The following CNTNAP2 variants were observed in gnomAD, a reference collection of about 807,000 sequenced individuals.
The protein encoded by CNTNAP2 is contactin associated protein 2.
In CNTNAP2, 98 loss-of-function variants were observed where a neutral mutation model predicts 155.2. That is an observed-to-expected ratio of 0.63 (90% CI 0.54 to 0.75). The LOEUF (loss-of-function observed/expected upper bound fraction) is 0.75. CNTNAP2 is among the 30% of genes least tolerant of loss of function. The pLI is 0.00. For missense variants in CNTNAP2, 1,727 were observed against 1,688.1 expected, an observed-to-expected ratio of 1.02 and a Z score of -0.40; for synonymous variants, 651 against 631.2, an observed-to-expected ratio of 1.03 and a Z score of -0.47.
intron 3 of CNTNAP2, among the ~76,000 whole-genome samples, chr7:146,873,165 T>A (rs751384806): frequency 6.6e-6 from 1 of 152,228 alleles, no homozygotes; most frequent in African/African-American, 2.4e-5. Flanking sequence ...TATATGCCTG[T>A]CTATTAATGC....
rs140313040 is a variant in CNTNAP2 at position 146,966,147 on chromosome 7, G to A, written c.403-77760G>A. 3.2e-4 allele frequency among the ~76,000 whole-genome samples: 48 copies of A among 152,270 alleles called. 1 individual carries two copies. The highest frequency in any genetic ancestry group is 2.1e-3 in the East Asian group (11 of 5,176). On this transcript the variant is annotated intron_variant, in intron 3 of 23. Coordinates refer to ENST00000361727, the MANE Select transcript of CNTNAP2 (RefSeq NM_014141.6). ...TTTGGGATTGTCATTGTCTCTGTAC[G>A]CAACTTCTACTTTAAGCCTTATCAG...
intron 12 of CNTNAP2, among the ~76,000 whole-genome samples, chr7:147,579,832 A>G (rs1456916055): frequency 6.6e-6 from 1 of 152,160 alleles, no homozygotes; most frequent in Non-Finnish European, 1.5e-5. Flanking sequence ...TATTTCACAA[A>G]CCATCAATGG....
chr7:146,121,119 CTTTTTTTTTT>C (rs745449281), intron 1 of CNTNAP2, among the ~76,000 whole-genome samples: 131 of 65,780 alleles, frequency 2.0e-3, no homozygotes, highest in African/African-American at 6.4e-3. Context: ...ATAAAGCTTC[CTTTTTTTTTT>C]TTTTTTTTTT....
intron 8 of CNTNAP2, among the ~76,000 whole-genome samples, chr7:147,153,573 A>T (rs1239494141): frequency 6.6e-6 from 1 of 152,290 alleles, no homozygotes; most frequent in Non-Finnish European, 1.5e-5. Flanking sequence ...AGGCCCAAGG[A>T]TAGGAGCCTG....
At chr7:147,182,565 C>G (rs1270613636) in intron 8 of CNTNAP2, among the ~76,000 whole-genome samples, 2 of 151,862 alleles carry the variant, frequency 1.3e-5, no homozygotes, top group African/African-American at 4.8e-5. Context: ...CATATTTACT[C>G]TCTATTCTTT....
chr7:147,644,712 A>C (rs1795338121), intron 13 of CNTNAP2, among the ~76,000 whole-genome samples: 1 of 152,216 alleles, frequency 6.6e-6, no homozygotes, highest in Non-Finnish European at 1.5e-5. Context: ...AGTCTTAGTC[A>C]ACAATACTAA....
At chr7:146,671,568 T>C (rs1207173889) in intron 1 of CNTNAP2, among the ~76,000 whole-genome samples, 2 of 152,108 alleles carry the variant, frequency 1.3e-5, no homozygotes, top group African/African-American at 4.8e-5. Context: ...TTTCTGTGGG[T>C]TCTTAACTTT....
chr7:147,254,792 T>A (rs527474478), intron 8 of CNTNAP2, among the ~76,000 whole-genome samples: 2 of 152,168 alleles, frequency 1.3e-5, no homozygotes, highest in Non-Finnish European at 2.9e-5. Flanking sequence ...AAAATTCTCA[T>A]TGGGGGCACT....
chr7:147,609,169 T>TA (rs1299727958), intron 12 of CNTNAP2, among the ~76,000 whole-genome samples: 2 of 152,096 alleles, frequency 1.3e-5, no homozygotes, highest in Non-Finnish European at 2.9e-5. Flanking sequence ...CATCAATATA[T>TA]AAAATCTGCA....
rs150462481 is a variant in CNTNAP2 at position 147,860,925 on chromosome 7, G to A, written c.2099-42640G>A. ...TAAGATGATGACAAAGGGATTTCAG[G>A]TGACAACTTGGAATGAAAGATACTG... On this transcript the variant is annotated intron_variant, in intron 13 of 23. Coordinates refer to ENST00000361727, the MANE Select transcript of CNTNAP2 (RefSeq NM_014141.6). Among the ~76,000 whole-genome samples, 567 of 152,256 alleles carry A rather than the reference G, an allele frequency of 3.7e-3. 8 individuals are homozygous for A. Among genetic ancestry groups the A allele is most frequent in the East Asian group, 0.034 (178 of 5,182 alleles).
intron 12 of CNTNAP2, among the ~76,000 whole-genome samples, chr7:147,606,027 C>G (rs758964736): frequency 2.9e-4 from 44 of 152,032 alleles, no homozygotes; most frequent in African/African-American, 9.6e-4. Context: ...TTCAGGTAAC[C>G]CCCAGGCAAG....
chr7:148,081,966 G>T (rs1402597469), intron 15 of CNTNAP2, among the ~76,000 whole-genome samples: 2 of 151,810 alleles, frequency 1.3e-5, no homozygotes, highest in Non-Finnish European at 2.9e-5. Context: ...TTGTTTGCTT[G>T]TTTTTTTTAA....
chr7:147,430,784 G>A (rs1276597506), intron 10 of CNTNAP2, among the ~76,000 whole-genome samples: 1 of 152,130 alleles, frequency 6.6e-6, no homozygotes, highest in African/African-American at 2.4e-5. Context: ...GGTTGAAGGA[G>A]CCGGGCACAG....
intron 1 of CNTNAP2, among the ~76,000 whole-genome samples, chr7:146,557,425 A>G (rs1798213478): frequency 6.6e-6 from 1 of 152,078 alleles, no homozygotes; most frequent in Non-Finnish European, 1.5e-5. Context: ...TGTATTCTCT[A>G]AGGTCTTTCC....
intron 12 of CNTNAP2, among the ~76,000 whole-genome samples, chr7:147,567,218 A>G (rs73464975): frequency 0.038 from 5,757 of 152,238 alleles, 174 homozygotes; most frequent in African/African-American, 0.071. Flanking sequence ...CACCAGCAAA[A>G]TCTTCCCCAA....
chr7:146,165,209 T>C (rs937548949), intron 1 of CNTNAP2, among the ~76,000 whole-genome samples: 1 of 152,142 alleles, frequency 6.6e-6, no homozygotes, highest in African/African-American at 2.4e-5. Flanking sequence ...TAAAAATTTG[T>C]CAATGTTCAG....
chr7:147,973,702 AGGAAAATTCTTTTAATTTACATAGT>A (rs1801376687), intron 14 of CNTNAP2, among the ~76,000 whole-genome samples: 1 of 152,198 alleles, frequency 6.6e-6, no homozygotes, highest in Non-Finnish European at 1.5e-5. Flanking sequence ...GAGAGTTAAA[AGGAAAATTCTTTTAATTTACATAGT>A]GGTGTTTTGG....
chr7:147,816,732 T>C (rs1048913617), intron 13 of CNTNAP2, among the ~76,000 whole-genome samples: 1 of 149,022 alleles, frequency 6.7e-6, no homozygotes, highest in Admixed American at 6.6e-5. Flanking sequence ...TGATGATGAA[T>C]AGCCTTTTTT....
At chr7:147,277,329 T>G (rs1400412649) in intron 8 of CNTNAP2, among the ~76,000 whole-genome samples, 1 of 151,930 alleles carries the variant, frequency 6.6e-6, no homozygotes, top group African/African-American at 2.4e-5. Context: ...AATGAGCCTT[T>G]GATGAATGTT....
Sources: allele counts gnomAD v4.1 joint callset (sites outside exome capture counted in the v4.1 genomes callset), GRCh38; gene constraint gnomAD v4.1.1; transcripts MANE v1.5; gene names NCBI Gene and HGNC (gene_info 2026-07-23, HGNC 2026-07-21).